The following CCSER1 variants were observed in gnomAD, a reference collection of about 807,000 sequenced individuals.
CCSER1 encodes serine-rich coiled-coil domain-containing protein 1.
CCSER1 carries 41 observed loss-of-function variants against 82.0 expected under a neutral mutation model. The ratio of observed to expected loss-of-function variants is 0.50; its 90% CI spans 0.39 to 0.65. The LOEUF (loss-of-function observed/expected upper bound fraction) is 0.65, where lower values mean the gene tolerates loss of function less well. Ranked by LOEUF, CCSER1 falls within the 30% of genes least tolerant of loss-of-function variation. The pLI is 0.00. For missense variants in CCSER1, 1,119 were observed against 1,064.2 expected, an observed-to-expected ratio of 1.05 and a Z score of -0.72; for synonymous variants, 414 against 383.9, an observed-to-expected ratio of 1.08 and a Z score of -0.92.
chr4:90,288,969 G>A (rs952203717), intron 1 of CCSER1, among the ~76,000 whole-genome samples: 2 of 151,874 alleles, frequency 1.3e-5, no homozygotes, highest in Admixed American at 1.3e-4. Context: ...ATATTGGAAG[G>A]TGCAGTGCCC....
chr4:90,259,615 A>T (rs1466709369), intron 1 of CCSER1, among the ~76,000 whole-genome samples: 1 of 151,996 alleles, frequency 6.6e-6, no homozygotes, highest in East Asian at 1.9e-4. Flanking sequence ...GGCTTTTATT[A>T]CTTTGAGGTA....
intron 10 of CCSER1, among the ~76,000 whole-genome samples, chr4:91,563,123 C>G (rs73838050): frequency 0.069 from 10,437 of 151,568 alleles, 386 homozygotes; most frequent in African/African-American, 0.096. Context: ...CAGTCCTTCT[C>G]AAATGGTTCC....
intron 5 of CCSER1, 143 bp from the exon 6 acceptor site, chr4:90,627,878 AAAAT>A (rs969986491): frequency 3.4e-5 from 22 of 655,888 alleles, no homozygotes; most frequent in Non-Finnish European, 4.7e-5. Flanking sequence ...TCCATCTCAA[AAAAT>A]AAATAAATAA....
chr4:90,942,844 T>C (rs1731753024), intron 9 of CCSER1, among the ~76,000 whole-genome samples: 1 of 148,924 alleles, frequency 6.7e-6, no homozygotes. Context: ...ATTTTTTAAC[T>C]TACCTAAAAA....
intron 6 of CCSER1, among the ~76,000 whole-genome samples, chr4:90,685,750 C>G (rs1055199454): frequency 2.6e-5 from 4 of 152,138 alleles, no homozygotes; most frequent in African/African-American, 9.7e-5. Context: ...CACTCTTACT[C>G]AAAACATTGG....
At chr4:90,854,054 C>A (rs1207974290) in intron 8 of CCSER1, among the ~76,000 whole-genome samples, 1 of 152,126 alleles carries the variant, frequency 6.6e-6, no homozygotes, top group Non-Finnish European at 1.5e-5. Context: ...TTTGAATTAT[C>A]ATTTATTTCA....
At position 90,628,083 on chromosome 4, in the gene CCSER1, A is replaced by G; in HGVS notation, c.1783A>G (p.Ser595Gly). ...TCAAGAAGCCAGGTGTTCCCACATC[A>G]GCCGAATGCCCAACAGTCCATCTGC... ...VDQEARCSHI[S>G]RMPNSPSADW... Residue 595 changes from serine (S) to glycine (G), a missense_variant, in exon 6 of 11, where the codon AGC becomes GGC. Physicochemically the swap from Ser to Gly is moderately conservative, Grantham distance 56 (BLOSUM62 0). Coordinates refer to ENST00000509176, the MANE Select transcript of CCSER1 (RefSeq NM_001145065.2). 6.2e-7 allele frequency: 1 copy of G among 1,613,686 alleles called. No individual in the cohort carries two copies.
chr4:90,867,417 G>A (rs1350097158), intron 8 of CCSER1, among the ~76,000 whole-genome samples: 1 of 151,970 alleles, frequency 6.6e-6, no homozygotes, highest in Non-Finnish European at 1.5e-5. Context: ...TGGATACGTA[G>A]TTGCTATATA....
chr4:91,145,365 T>C (rs1729439336), intron 10 of CCSER1, among the ~76,000 whole-genome samples: 1 of 152,152 alleles, frequency 6.6e-6, no homozygotes. Context: ...ATGTGAGATG[T>C]TCTCTTGAAG....
intron 10 of CCSER1, among the ~76,000 whole-genome samples, chr4:91,177,432 G>T (rs969163080): frequency 2.6e-5 from 4 of 152,176 alleles, no homozygotes; most frequent in Non-Finnish European, 4.4e-5. Flanking sequence ...GAATTTGGCT[G>T]TGAATCCATC....
intron 10 of CCSER1, among the ~76,000 whole-genome samples, chr4:91,356,877 A>T (rs1345961430): frequency 6.6e-6 from 1 of 151,904 alleles, no homozygotes; most frequent in Non-Finnish European, 1.5e-5. Context: ...ATGACTTATT[A>T]CTCCAGGCTG....
chr4:90,356,907 A>G (rs1744461316), intron 3 of CCSER1, among the ~76,000 whole-genome samples: 1 of 151,946 alleles, frequency 6.6e-6, no homozygotes, highest in Admixed American at 6.5e-5. Flanking sequence ...AGGGGATTTA[A>G]GAGGGAAATA....
chr4:90,478,804 A>G (rs1273743414), intron 5 of CCSER1, among the ~76,000 whole-genome samples: 1 of 150,224 alleles, frequency 6.7e-6, no homozygotes, highest in Non-Finnish European at 1.5e-5. Flanking sequence ...TCAGTGGCGC[A>G]ATCTCGGCTC....
intron 7 of CCSER1, among the ~76,000 whole-genome samples, chr4:90,766,882 C>T (rs1216242636): frequency 6.6e-6 from 1 of 151,912 alleles, no homozygotes; most frequent in African/African-American, 2.4e-5. Context: ...TATTTGTTCA[C>T]TAGAGCTCAT....
intron 8 of CCSER1, among the ~76,000 whole-genome samples, chr4:90,872,936 C>T (rs747302238): frequency 6.6e-6 from 1 of 151,980 alleles, no homozygotes; most frequent in East Asian, 1.9e-4. Flanking sequence ...AAGTCCCCTG[C>T]CAAACATATT....
At chr4:90,289,682 T>C (rs992665804) in intron 1 of CCSER1, among the ~76,000 whole-genome samples, 5 of 151,874 alleles carry the variant, frequency 3.3e-5, no homozygotes, top group Non-Finnish European at 7.4e-5. Flanking sequence ...ATTCAGTAGT[T>C]TTTCACAGTA....
intron 10 of CCSER1, among the ~76,000 whole-genome samples, chr4:91,552,973 C>T (rs1260492101): frequency 3.3e-5 from 5 of 151,392 alleles, no homozygotes; most frequent in South Asian, 2.1e-4. Flanking sequence ...GACAAGATTT[C>T]GGATTCTCAC....
chr4:90,500,692 C>A (rs1349599438), intron 5 of CCSER1, among the ~76,000 whole-genome samples: 1 of 151,950 alleles, frequency 6.6e-6, no homozygotes, highest in African/African-American at 2.4e-5. Context: ...ACAGCATAGA[C>A]TTGGAAGAGA....
intron 9 of CCSER1, among the ~76,000 whole-genome samples, chr4:90,958,000 C>A (rs1478431746): frequency 6.6e-6 from 1 of 151,984 alleles, no homozygotes; most frequent in South Asian, 2.1e-4. Flanking sequence ...GAAGGAGTTA[C>A]TTGAGAGAGC....
Sources: gnomAD v4.1 joint callset for allele counts (sites outside exome capture counted in the v4.1 genomes callset) on GRCh38, gnomAD v4.1.1 for gene constraint, MANE v1.5 for transcripts, NCBI Gene and HGNC (gene_info 2026-07-23, HGNC 2026-07-21) for gene names.